VPS13A: variants seen among roughly 807,000 people sequenced by gnomAD.
The protein encoded by VPS13A is vacuolar protein sorting 13 homolog A.
VPS13A carries 264 observed loss-of-function variants against 390.9 expected under a neutral mutation model. The observed-to-expected ratio is 0.68, with a 90% CI of 0.61 to 0.75. VPS13A has a LOEUF of 0.75. VPS13A is among the 30% of genes least tolerant of loss of function. VPS13A has a pLI of 0.00. For missense variants in VPS13A, 3,409 were observed against 3,733.9 expected (o/e 0.91, Z 2.27); for synonymous variants, 1,231 against 1,227.1 (o/e 1.00, Z -0.07).
chr9:77,196,138 TTTA>T (rs1379185817), intron 1 of VPS13A, among the ~76,000 whole-genome samples: 3 of 152,224 alleles, frequency 2.0e-5, no homozygotes, highest in Middle Eastern at 3.2e-3. Context: ...ATTTTATTTA[TTTA>T]TTGTTACTAG....
intron 27 of VPS13A, 66 bp downstream of exon 27, chr9:77,280,304 GTT>G: frequency 3.0e-6 from 4 of 1,344,072 alleles, no homozygotes; most frequent in Non-Finnish European, 4.3e-6. Flanking sequence ...AGTTTTGTAA[GTT>G]TGGTATTATT....
At chr9:77,255,888 GT>G (rs1208610912) in intron 22 of VPS13A, among the ~76,000 whole-genome samples, 1 of 151,570 alleles carries the variant, frequency 6.6e-6, no homozygotes, top group Non-Finnish European at 1.5e-5. Context: ...AGTCTTTTCT[GT>G]TTTTTTCTCA....
At chr9:77,367,905 T>G (rs1454663606) in intron 61 of VPS13A, 150 bp from the exon 62 acceptor site, 2 of 716,434 alleles carry the variant, frequency 2.8e-6, no homozygotes, top group Non-Finnish European at 4.7e-6. Flanking sequence ...GAGATGTATG[T>G]AAAAAGTAAA....
chr9:77,212,276 G>C (rs1418535564), intron 7 of VPS13A, among the ~76,000 whole-genome samples: 9 of 151,832 alleles, frequency 5.9e-5, no homozygotes, highest in Admixed American at 2.6e-4. Flanking sequence ...TTTTTTCTCT[G>C]TCTGTTTTGC....
At chr9:77,362,001 A>T (rs542253820) in intron 59 of VPS13A, among the ~76,000 whole-genome samples, 9 of 152,234 alleles carry the variant, frequency 5.9e-5, no homozygotes, top group Non-Finnish European at 7.4e-5. Flanking sequence ...TCCTTTGCTT[A>T]TTATTTAATG....
intron 71 of VPS13A, among the ~76,000 whole-genome samples, chr9:77,414,302 C>T (rs999458812): frequency 1.9e-4 from 29 of 152,036 alleles, no homozygotes; most frequent in Middle Eastern, 3.2e-3. Context: ...ATGTTTATTG[C>T]GGCACTATTC....
chr9:77,183,595 G>T (rs1271489509), intron 1 of VPS13A, among the ~76,000 whole-genome samples: 1 of 150,510 alleles, frequency 6.6e-6, no homozygotes, highest in Non-Finnish European at 1.5e-5. Flanking sequence ...TGGTGGTGAG[G>T]ATGTGCAAAA....
chr9:77,372,020 A>G (rs879706050), intron 67 of VPS13A, among the ~76,000 whole-genome samples: 91 of 148,966 alleles, frequency 6.1e-4, no homozygotes, highest in Admixed American at 1.3e-3. Flanking sequence ...CATGGTGTAT[A>G]TGTGCCACGT....
At chr9:77,187,608 TA>T (rs1824416815) in intron 1 of VPS13A, among the ~76,000 whole-genome samples, 1 of 148,020 alleles carries the variant, frequency 6.8e-6, no homozygotes, top group East Asian at 2.0e-4. Flanking sequence ...CATACAAACA[TA>T]CACACACACA....
intron 71 of VPS13A, among the ~76,000 whole-genome samples, chr9:77,415,269 G>T (rs902939668): frequency 2.6e-5 from 4 of 152,052 alleles, no homozygotes; most frequent in Non-Finnish European, 5.9e-5. Context: ...CTCCTGCTTG[G>T]CCAGGAACAT....
chr9:77,337,854 GAATCCA>G, intron 47 of VPS13A: 1 of 216,266 alleles, frequency 4.6e-6, no homozygotes, highest in South Asian at 1.2e-4. Context: ...GTTGTTATAG[GAATCCA>G]TACATCTTAA....
intron 1 of VPS13A, among the ~76,000 whole-genome samples, chr9:77,194,188 G>C (rs1474886993): frequency 6.6e-6 from 1 of 152,100 alleles, no homozygotes; most frequent in African/African-American, 2.4e-5. Context: ...GCTGTGCGTG[G>C]GTGGATGCTG....
intron 68 of VPS13A, among the ~76,000 whole-genome samples, chr9:77,390,770 C>T (rs1157917343): frequency 6.6e-6 from 1 of 151,614 alleles, no homozygotes; most frequent in African/African-American, 2.4e-5. Context: ...CCTTGAACTC[C>T]TAGGCTCAAG....
Position 77,177,703 on chromosome 9 carries a change from A to C in VPS13A, c.-2A>C. 1.2e-6 allele frequency: 2 copies of C among 1,611,720 alleles called. No homozygotes were observed. Among genetic ancestry groups the C allele is most frequent in the Non-Finnish European group, 8.5e-7 (1 of 1,178,464 alleles). ...CTGCCGTGCCCACCACGGCTGAGGA[A>C]CATGGTTTTCGAGTCGGTGGTCGTG... On this transcript the variant is annotated 5_prime_UTR_variant, in exon 1 of 72. Transcript: ENST00000360280.
chr9:77,221,909 C>G (rs1027487252), intron 13 of VPS13A, among the ~76,000 whole-genome samples: 1 of 152,004 alleles, frequency 6.6e-6, no homozygotes, highest in African/African-American at 2.4e-5. Flanking sequence ...TTATACAGAG[C>G]CCTTTTTCTC....
chr9:77,284,672 C>T (rs1827231443), intron 31 of VPS13A, among the ~76,000 whole-genome samples: 2 of 151,928 alleles, frequency 1.3e-5, no homozygotes, highest in Admixed American at 1.3e-4. Flanking sequence ...TGATCCAACC[C>T]ATTGATTTTT....
At chr9:77,206,892 CTTG>C (rs1161606138) in intron 5 of VPS13A, among the ~76,000 whole-genome samples, 4 of 148,442 alleles carry the variant, frequency 2.7e-5, no homozygotes, top group Non-Finnish European at 6.0e-5. Flanking sequence ...TAATGTTTTA[CTTG>C]TTGGCAAACA....
chr9:77,313,370 A>G (rs1195594248), intron 35 of VPS13A, among the ~76,000 whole-genome samples: 1 of 152,174 alleles, frequency 6.6e-6, no homozygotes, highest in Non-Finnish European at 1.5e-5. Context: ...ATTTCATCAA[A>G]TAGTTCATAT....
In VPS13A at chr9:77,316,354, A is replaced by G. The variant is rs1361761122; in HGVS notation, c.4811A>G (p.Gln1604Arg). 5 of 1,613,224 alleles carry G rather than the reference A, an allele frequency of 3.1e-6. No individual in the cohort carries two copies. The highest frequency in any genetic ancestry group is 2.2e-5 in the East Asian group (1 of 44,802). The change falls in exon 39 of 72, where the codon CAA (glutamine) becomes CGA (arginine). Residue 1604 changes from glutamine to arginine, a missense_variant. Around this residue, in one of 5 missense-constraint regions of VPS13A, gnomAD observed 2,717 missense variants for 2,917.4 expected, o/e 0.93. Transcript: ENST00000360280. Reference sequence around the variant, plus strand: ...ATGACTGCTGCCATTAAAGATCTCCAAGTGAGAGCCTGCCCGTTTCTTCCA... The same window carrying G: ...ATGACTGCTGCCATTAAAGATCTCCGAGTGAGAGCCTGCCCGTTTCTTCCA... ...STMTAAIKDLQVRACPFLPVK... is the reference protein window; with the variant it reads ...STMTAAIKDLRVRACPFLPVK...
Sources: gnomAD v4.1 joint callset for allele counts (sites outside exome capture counted in the v4.1 genomes callset) on GRCh38, gnomAD v4.1.1 for gene constraint, gnomAD v4.1.1 regional missense constraint, MANE v1.5 for transcripts, NCBI Gene and HGNC (gene_info 2026-07-23, HGNC 2026-07-21) for gene names.